Variants in GPC6 observed in about 807,000 individuals in gnomAD.
GPC6 encodes the protein glypican-6.
A neutral mutation model predicts 55.2 loss-of-function variants in GPC6; 14 were observed. The observed-to-expected ratio is 0.25, with a 90% CI of 0.17 to 0.40. The LOEUF is 0.40. GPC6 is among the 10% of genes least tolerant of loss of function. The pLI is 1.00. For synonymous variants in GPC6, 278 were observed against 259.6 expected (o/e 1.07, Z -0.68); for missense variants, 641 against 708.5 (o/e 0.90, Z 1.08).
intron 1 of GPC6, among the ~76,000 whole-genome samples, chr13:93,376,594 G>T (rs1874908184): frequency 6.6e-6 from 1 of 152,158 alleles, no homozygotes; most frequent in Non-Finnish European, 1.5e-5. Flanking sequence ...GACAGACAAG[G>T]CTTGAAAGAA....
rs936222284 is a variant in GPC6 at position 93,518,165 on chromosome 13, T to G, written c.161-27098T>G. Among the ~76,000 whole-genome samples the G allele has an allele frequency of 2.0e-5, 3 of 151,894 alleles. No individual in the cohort carries two copies. The East Asian group carries it at 5.8e-4, about 29-fold the overall frequency. On this transcript the variant is annotated intron_variant, in intron 1 of 8. Coordinates refer to ENST00000377047, the MANE Select transcript of GPC6 (RefSeq NM_005708.5). Reference sequence around the variant, plus strand: ...CACAGGAGCTCACAGAATCCTGAATTTTATGTCTATCGAAGAGAAAATGGT... The same window carrying G: ...CACAGGAGCTCACAGAATCCTGAATGTTATGTCTATCGAAGAGAAAATGGT...
chr13:93,850,564 G>T (rs1175062753), intron 3 of GPC6, among the ~76,000 whole-genome samples: 3 of 151,638 alleles, frequency 2.0e-5, no homozygotes, highest in Non-Finnish European at 4.4e-5. Context: ...CTAGTCACAA[G>T]GTATATGCAA....
At chr13:93,914,546 A>C (rs1877191304) in intron 3 of GPC6, among the ~76,000 whole-genome samples, 1 of 152,196 alleles carries the variant, frequency 6.6e-6, no homozygotes, top group African/African-American at 2.4e-5. Flanking sequence ...GGATCCATTG[A>C]AGTTAAAGAC....
At chr13:94,383,836 C>T (rs1324225776) in intron 7 of GPC6, among the ~76,000 whole-genome samples, 2 of 152,174 alleles carry the variant, frequency 1.3e-5, no homozygotes, top group African/African-American at 2.4e-5. Flanking sequence ...AGGAAACTTA[C>T]AATCATGGCA....
At chr13:93,326,307 A>G (rs1438421077) in intron 1 of GPC6, among the ~76,000 whole-genome samples, 2 of 152,146 alleles carry the variant, frequency 1.3e-5, no homozygotes, top group Non-Finnish European at 2.9e-5. Context: ...CTCATGCAAT[A>G]GGTCTGGGTG....
At position 93,424,983 on chromosome 13, in the gene GPC6, C is replaced by T. The variant is rs187815333; in HGVS notation, c.161-120280C>T. Among the ~76,000 whole-genome samples, 267 of 152,234 alleles carry T rather than the reference C, an allele frequency of 1.8e-3. 6 individuals carry two copies. Among genetic ancestry groups the T allele is most frequent in the Non-Finnish European group, 2.5e-4 (17 of 68,022 alleles). ...GTGCACCTACCCCCAACACACAGACCACCTGATCCTAGTGATGAGTGTTTG... is the reference window on the plus strand; with the variant it reads ...GTGCACCTACCCCCAACACACAGACTACCTGATCCTAGTGATGAGTGTTTG... On this transcript the variant is annotated intron_variant, in intron 1 of 8. Transcript: ENST00000377047.
chr13:93,377,144 AG>A (rs1360178214), intron 1 of GPC6, among the ~76,000 whole-genome samples: 1 of 152,216 alleles, frequency 6.6e-6, no homozygotes, highest in African/African-American at 2.4e-5. Flanking sequence ...AGAAAGACAA[AG>A]GAGTATTTCT....
intron 2 of GPC6, among the ~76,000 whole-genome samples, chr13:93,571,444 A>G (rs1385722605): frequency 1.3e-5 from 2 of 152,178 alleles, no homozygotes; most frequent in Non-Finnish European, 2.9e-5. Flanking sequence ...ATATACCAGA[A>G]AATCATTATC....
At chr13:93,695,705 G>T (rs909962979) in intron 2 of GPC6, among the ~76,000 whole-genome samples, 3 of 151,936 alleles carry the variant, frequency 2.0e-5, no homozygotes, top group African/African-American at 7.2e-5. Context: ...TTTAAAATAT[G>T]CTTTCATTCA....
intron 3 of GPC6, among the ~76,000 whole-genome samples, chr13:94,013,432 C>A (rs1882332262): frequency 6.6e-6 from 1 of 152,216 alleles, no homozygotes; most frequent in South Asian, 2.1e-4. Flanking sequence ...CTCACCACAC[C>A]CTCTGCCTCC....
chr13:94,186,055 G>A (rs1477696499), intron 4 of GPC6, among the ~76,000 whole-genome samples: 22 of 420 alleles, frequency 0.052, no homozygotes, highest in Middle Eastern at 0.38. Flanking sequence ...GCGAGACTCC[G>A]TCTCCAAAAA....
chr13:93,294,762 A>G (rs1244071660), intron 1 of GPC6, among the ~76,000 whole-genome samples: 1 of 152,096 alleles, frequency 6.6e-6, no homozygotes, highest in Non-Finnish European at 1.5e-5. Flanking sequence ...ATCTAATGTA[A>G]CTATGAATGG....
chr13:93,980,072 A>T (rs548399216), intron 3 of GPC6, among the ~76,000 whole-genome samples: 1 of 152,232 alleles, frequency 6.6e-6, no homozygotes, highest in African/African-American at 2.4e-5. Context: ...ACCAAGAGAG[A>T]TCTTACGATT....
intron 3 of GPC6, among the ~76,000 whole-genome samples, chr13:93,983,513 G>A (rs1422595626): frequency 6.6e-6 from 1 of 151,904 alleles, no homozygotes; most frequent in Non-Finnish European, 1.5e-5. Flanking sequence ...ACAGCTCACT[G>A]CAGCCTCCAA....
intron 6 of GPC6, among the ~76,000 whole-genome samples, chr13:94,381,900 T>C (rs989702716): frequency 6.6e-6 from 1 of 152,234 alleles, no homozygotes; most frequent in African/African-American, 2.4e-5. Context: ...TTACCACCCA[T>C]GTGTGTGCTC....
At chr13:93,850,400 A>C (rs1888352388) in intron 3 of GPC6, among the ~76,000 whole-genome samples, 1 of 151,974 alleles carries the variant, frequency 6.6e-6, no homozygotes, top group African/African-American at 2.4e-5. Flanking sequence ...CATTGGTACA[A>C]GCTCAACCTA....
intron 4 of GPC6, among the ~76,000 whole-genome samples, chr13:94,098,856 A>C (rs1885754524): frequency 6.6e-6 from 1 of 152,178 alleles, no homozygotes; most frequent in Non-Finnish European, 1.5e-5. Flanking sequence ...GACATTTTGC[A>C]CTGATTTGGG....
chr13:93,734,153 T>C (rs7331304), intron 2 of GPC6, among the ~76,000 whole-genome samples: 145,852 of 152,228 alleles, frequency 0.96, 69,919 homozygotes, highest in African/African-American at 0.99. Context: ...ACAAAAGTGT[T>C]TTGAAGGCTT....
At chr13:94,381,239 C>T (rs1433325696) in intron 6 of GPC6, among the ~76,000 whole-genome samples, 1 of 152,200 alleles carries the variant, frequency 6.6e-6, no homozygotes, top group South Asian at 2.1e-4. Context: ...CGTCTGTATT[C>T]GTTTGCTAAG....
Sources: allele counts gnomAD v4.1 joint callset (sites outside exome capture counted in the v4.1 genomes callset), GRCh38; gene constraint gnomAD v4.1.1; transcripts MANE v1.5; gene names NCBI Gene and HGNC (gene_info 2026-07-23, HGNC 2026-07-21).